Variants in ZNRF1 observed in about 807,000 individuals in gnomAD.
The protein encoded by ZNRF1 is E3 ubiquitin-protein ligase ZNRF1.
Under a neutral mutation model 18.4 loss-of-function variants are expected in ZNRF1, and 3 were observed. That is an observed-to-expected ratio of 0.16 (90% confidence interval 0.07 to 0.42). ZNRF1 has a LOEUF of 0.42. ZNRF1 is among the 10% of genes least tolerant of loss of function. The probability of loss-of-function intolerance (pLI) is 0.99; values close to 1 mark genes in which losing one functional copy is unlikely to be tolerated. For synonymous variants in ZNRF1, 157 were observed against 144.2 expected, an observed-to-expected ratio of 1.09 and a Z score of -0.64; for missense variants, 310 against 329.8, an observed-to-expected ratio of 0.94 and a Z score of 0.47.
chr16:75,093,327 G>A (rs1234391846), intron 1 of ZNRF1, among the ~76,000 whole-genome samples: 1 of 151,472 alleles, frequency 6.6e-6, no homozygotes, highest in African/African-American at 2.4e-5. Context: ...AGAGGTTGCA[G>A]TGAACTGAGA....
At chr16:75,023,590 A>C (rs533088015) in intron 1 of ZNRF1, among the ~76,000 whole-genome samples, 129 of 152,222 alleles carry the variant, frequency 8.5e-4, no homozygotes, top group Non-Finnish European at 1.5e-3. Flanking sequence ...AGGCTGAGGC[A>C]GGAGAATCTC....
intron 1 of ZNRF1, among the ~76,000 whole-genome samples, chr16:75,076,676 A>C (rs1158585858): frequency 6.8e-6 from 1 of 146,954 alleles, no homozygotes; most frequent in African/African-American, 2.5e-5. Flanking sequence ...TGTGCTACGG[A>C]CTGAATGTGT....
At chr16:75,099,580 A>G (rs758186045) in intron 2 of ZNRF1, among the ~76,000 whole-genome samples, 1 of 152,174 alleles carries the variant, frequency 6.6e-6, no homozygotes. Context: ...GGCGTCAGGA[A>G]ACTTGGGAGG....
At chr16:75,027,610 C>T (rs1212242187) in intron 1 of ZNRF1, among the ~76,000 whole-genome samples, 4 of 152,162 alleles carry the variant, frequency 2.6e-5, no homozygotes, top group Non-Finnish European at 5.9e-5. Flanking sequence ...CCTTAAACAA[C>T]TTAAATTCCA....
intron 1 of ZNRF1, among the ~76,000 whole-genome samples, chr16:75,076,217 AT>A (rs1775854455): frequency 6.6e-6 from 1 of 152,152 alleles, no homozygotes; most frequent in Non-Finnish European, 1.5e-5. Flanking sequence ...TCTATCTATA[AT>A]CTTTCTCTTG....
intron 1 of ZNRF1, among the ~76,000 whole-genome samples, chr16:75,064,433 G>A (rs1267429762): frequency 1.3e-5 from 2 of 151,968 alleles, no homozygotes; most frequent in Non-Finnish European, 2.9e-5. Context: ...GCAGATGCCT[G>A]TAATCCCAGC....
Position 75,085,028 on chromosome 16 carries a change from T to C in ZNRF1, c.425-8544T>C, listed in dbSNP as rs977839264. 2.6e-5 allele frequency among the ~76,000 whole-genome samples: 4 copies of C among 152,046 alleles called. No homozygotes were observed. The South Asian group carries it at 6.2e-4, about 24-fold the overall frequency. On this transcript the variant is annotated intron_variant, in intron 1 of 4. Transcript: ENST00000335325. ...CTGCAGTTCCATATTTGTTTACAGG[T>C]TTTTTTTCTGGTTGAGGTAAAATTT... is the stretch of plus-strand genomic sequence containing the variant.
In ZNRF1 at chr16:75,050,140, G is replaced by A. The variant is rs142524445; in HGVS notation, c.425-43432G>A. Among the ~76,000 whole-genome samples, 290 of 152,228 alleles carry A rather than the reference G, an allele frequency of 1.9e-3. 3 individuals carry two copies. The highest frequency in any genetic ancestry group is 6.4e-3 in the African/African-American group (266 of 41,528). ...ACTTAGCATAATTCTCCAAACTCTT[G>A]TGTATTTCAATAGTCTATTCCTTTT... is the stretch of plus-strand genomic sequence containing the variant. On this transcript the variant is annotated intron_variant, in intron 1 of 4. Transcript: ENST00000335325.
intron 1 of ZNRF1, among the ~76,000 whole-genome samples, chr16:75,029,832 C>T (rs933535640): frequency 7.9e-5 from 12 of 151,764 alleles, no homozygotes; most frequent in Admixed American, 1.3e-4. Context: ...GTCAGGAGTT[C>T]GAGACCAGCC....
At chr16:75,015,543 C>G (rs970449602) in intron 1 of ZNRF1, among the ~76,000 whole-genome samples, 6 of 152,146 alleles carry the variant, frequency 3.9e-5, no homozygotes, top group African/African-American at 1.4e-4. Context: ...CCATTGCACT[C>G]CAGCCTGGGC....
intron 1 of ZNRF1, among the ~76,000 whole-genome samples, chr16:75,027,994 A>G (rs1236997374): frequency 6.6e-6 from 1 of 152,124 alleles, no homozygotes; most frequent in Non-Finnish European, 1.5e-5. Flanking sequence ...CACCGTATCC[A>G]CCCACGTGCT....
chr16:75,022,441 C>T (rs1453508346), intron 1 of ZNRF1, among the ~76,000 whole-genome samples: 1 of 151,240 alleles, frequency 6.6e-6, no homozygotes, highest in Non-Finnish European at 1.5e-5. Context: ...TGGCGGGCAC[C>T]TGAAGTCCCA....
At chr16:75,061,123 C>T (rs1252185383) in intron 1 of ZNRF1, among the ~76,000 whole-genome samples, 1 of 152,100 alleles carries the variant, frequency 6.6e-6, no homozygotes, top group Non-Finnish European at 1.5e-5. Context: ...AATGGGGTAT[C>T]CATCCCCTCA....
chr16:75,040,630 G>C (rs954167647), intron 1 of ZNRF1, among the ~76,000 whole-genome samples: 5 of 92,276 alleles, frequency 5.4e-5, no homozygotes, highest in Admixed American at 1.6e-4. Context: ...TTTTGAGACA[G>C]AGTTTTGCTC....
intron 1 of ZNRF1, among the ~76,000 whole-genome samples, chr16:75,037,738 C>G (rs2035394407): frequency 6.6e-6 from 1 of 152,092 alleles, no homozygotes; most frequent in Non-Finnish European, 1.5e-5. Context: ...GGTTTCTGGA[C>G]CCCAAATCTA....
intron 1 of ZNRF1, among the ~76,000 whole-genome samples, chr16:75,069,371 G>T (rs911491317): frequency 3.9e-5 from 6 of 152,050 alleles, no homozygotes; most frequent in Non-Finnish European, 8.8e-5. Context: ...TTCCCCTCAG[G>T]CTTAGTCTTG....
chr16:75,058,156 G>A (rs538616241), intron 1 of ZNRF1, among the ~76,000 whole-genome samples: 278 of 149,718 alleles, frequency 1.9e-3, no homozygotes, highest in African/African-American at 6.6e-3. Flanking sequence ...TTTTAGAGAC[G>A]GGGGGGTGGT....
chr16:74,999,556 C>T lies in ZNRF1; in HGVS notation c.-116C>T. 2.7e-6 allele frequency: 2 copies of T among 736,670 alleles called. No homozygotes were observed. Among genetic ancestry groups the T allele is most frequent in the Non-Finnish European group, 3.8e-6 (2 of 528,674 alleles). The allele number at this position is 736,670 out of a possible 1,614,324, so 45.6% of individuals were successfully genotyped here. On this transcript the variant is annotated 5_prime_UTR_variant, in exon 1 of 5. Coordinates refer to ENST00000335325, the MANE Select transcript of ZNRF1 (RefSeq NM_032268.5). ...TTTGCTTTTTTTCCTTTTCTCCCTC[C>T]GGGTCTCCTTTTTGACTCCCTCCCC...
intron 1 of ZNRF1, among the ~76,000 whole-genome samples, chr16:75,069,881 C>T (rs1370789178): frequency 3.3e-5 from 5 of 152,138 alleles, no homozygotes; most frequent in African/African-American, 1.2e-4. Flanking sequence ...TCACCCCTGC[C>T]CCCTTTCTAG....
Sources: allele counts gnomAD v4.1 joint callset (sites outside exome capture counted in the v4.1 genomes callset), GRCh38; gene constraint gnomAD v4.1.1; transcripts MANE v1.5; gene names NCBI Gene and HGNC (gene_info 2026-07-23, HGNC 2026-07-21).